The following CACNA1F variants were observed in gnomAD, a reference collection of about 807,000 sequenced individuals.
The protein encoded by CACNA1F is calcium voltage-gated channel subunit alpha1 F, also known as voltage-dependent L-type calcium channel subunit alpha-1F.
Under a neutral mutation model 143.8 loss-of-function variants are expected in CACNA1F, and 59 were observed. The ratio of observed to expected loss-of-function variants is 0.41; its 90% CI spans 0.33 to 0.51. The LOEUF (loss-of-function observed/expected upper bound fraction) is 0.51, where lower values mean the gene tolerates loss of function less well. Among genes scored for constraint, CACNA1F ranks in the 20% least tolerant of loss-of-function variants. The pLI, the probability that CACNA1F is intolerant of heterozygous loss-of-function variation, is 0.22. For synonymous variants in CACNA1F, 643 were observed against 649.1 expected, an observed-to-expected ratio of 0.99 and a Z score of 0.14; for missense variants, 1,411 against 1,647.5, an observed-to-expected ratio of 0.86 and a Z score of 2.48.
chrX:49,224,827 G>A lies in CACNA1F; in HGVS notation c.1811C>T (p.Ala604Val). Residue 604 changes from alanine to valine, a missense_variant, in exon 14 of 48, where the codon GCC becomes GTC. Transcript: ENST00000323022. Reference protein sequence around the residue: ...ILETTLVEVGAMQPLGISVLR... With the variant: ...ILETTLVEVGVMQPLGISVLR... ...CACTGAGATGCCCAAGGGCTGCATG[G>A]CACCCACCTCCACCAAGGTGGTCTC... 8.4e-7 allele frequency: 1 copy of A among 1,196,093 alleles called. No homozygotes were observed. Among genetic ancestry groups the A allele is most frequent in the East Asian group, 3.0e-5 (1 of 33,136 alleles).
chrX:49,214,351 A>G (rs2065689987), intron 29 of CACNA1F, 82 bp from the exon 30 acceptor site: 3 of 607,498 alleles, frequency 4.9e-6, no homozygotes. Flanking sequence ...GCCTGGGCTG[A>G]GACGAGTCTG....
intron 21 of CACNA1F, 67 bp from the exon 22 acceptor site, chrX:49,219,008 A>G (rs2065748167): frequency 6.3e-6 from 6 of 945,583 alleles, no homozygotes; most frequent in Non-Finnish European, 9.1e-6. Flanking sequence ...TGACTTCTCA[A>G]AAGGCTTGGC....
intron 8 of CACNA1F, 94 bp downstream of exon 8, chrX:49,227,942 A>T: frequency 3.4e-6 from 2 of 591,595 alleles, no homozygotes; most frequent in Non-Finnish European, 5.8e-6. Flanking sequence ...GGAGTATTTC[A>T]GATGGGTTTT....
chrX:49,227,873 C>G (rs782062815), intron 8 of CACNA1F, among the ~76,000 whole-genome samples, 163 bp downstream of exon 8: 2 of 112,106 alleles, frequency 1.8e-5, no homozygotes, highest in African/African-American at 6.5e-5. Flanking sequence ...AGATTTTTGT[C>G]TTTTGTTCCA....
chrX:49,227,679 C>T (rs1295329925), intron 8 of CACNA1F, among the ~76,000 whole-genome samples: 2 of 112,350 alleles, frequency 1.8e-5, no homozygotes, highest in African/African-American at 6.5e-5. Context: ...TTCCTGACAT[C>T]CCTATTTATA....
chrX:49,205,389 G>C, intron 47 of CACNA1F, 22 bp from the exon 48 acceptor site: 2 of 1,081,996 alleles, frequency 1.8e-6, no homozygotes, highest in Non-Finnish European at 2.5e-6. Flanking sequence ...GGTGGGATCA[G>C]TGTTGACGGA....
At chrX:49,233,110 G>C (rs1557111657) in intron 1 of CACNA1F, 175 bp downstream of exon 1, 7 of 488,100 alleles carry the variant, frequency 1.4e-5, no homozygotes, top group Non-Finnish European at 2.2e-5. Flanking sequence ...GTCAGGCTGA[G>C]CGTTAGGGCT....
In CACNA1F at chrX:49,219,640, G is replaced by A. The variant is rs1557108379; in HGVS notation, c.2537C>T (p.Thr846Ile). 8.3e-7 allele frequency: 1 copy of A among 1,203,148 alleles called. No individual in the cohort carries two copies. Among genetic ancestry groups the A allele is most frequent in the Non-Finnish European group, 1.1e-6 (1 of 891,200 alleles). The change falls in exon 20 of 48, where the codon ACC (threonine) becomes ATC (isoleucine). Residue 846 changes from threonine (T) to isoleucine (I), a missense_variant. Physicochemically the swap from Thr to Ile is moderately conservative, Grantham distance 89. Transcript: ENST00000323022. The stretch of plus-strand genomic sequence containing the variant: ...TGCCACTTCCGGCACTCACGGGTTG[G>A]TTTGGCTGAGGCAGAAGAAGGCGCT... ...EGSAFFCLSQ[T>I]NPLRKGCHTL...
At chrX:49,214,989 G>T in intron 29 of CACNA1F, 97 bp downstream of exon 29, 1 of 829,048 alleles carries the variant, frequency 1.2e-6, no homozygotes, top group South Asian at 2.1e-5. Flanking sequence ...CAGGGGGTTT[G>T]TTATTTGCAG....
chrX:49,206,903 C>A, intron 44 of CACNA1F, 48 bp from the exon 45 acceptor site: 2 of 1,176,370 alleles, frequency 1.7e-6, no homozygotes, highest in Non-Finnish European at 2.3e-6. Flanking sequence ...GGGCCTGGAC[C>A]TGGGCCTGGG....
At position 49,230,628 on chromosome X, in the gene CACNA1F, G is replaced by A. The variant is rs1557111123; in HGVS notation, c.522-19C>T. Reference sequence around the variant, plus strand: ...GAACAGCCTGATGGGGGAGCACCGGGCAGGGAGGCGGAGGTCAGGCCTTGG... The same window carrying A: ...GAACAGCCTGATGGGGGAGCACCGGACAGGGAGGCGGAGGTCAGGCCTTGG... On this transcript the variant is annotated intron_variant, in intron 4 of 47. Transcript: ENST00000323022. 1.7e-6 allele frequency: 2 copies of A among 1,158,216 alleles called. No individual in the cohort carries two copies. Among genetic ancestry groups the A allele is most frequent in the Non-Finnish European group, 2.3e-6 (2 of 866,724 alleles).
At position 49,209,677 on chromosome X, in the gene CACNA1F, T is replaced by C; in HGVS notation, c.4773A>G (p.Lys1591=). ...GGGCGGCGTCGTTGCCTAGTAGCCCTTTTTCTTTCCTCCGCCGGAATTTGC... is the reference window on the plus strand; with the variant it reads ...GGGCGGCGTCGTTGCCTAGTAGCCCCTTTTCTTTCCTCCGCCGGAATTTGC... ...YFRKFRRRKE[K]GLLGNDAAPS... Residue 1591 remains lysine, a synonymous_variant, in exon 41 of 48, where the codon AAA becomes AAG. Coordinates refer to ENST00000323022, the MANE Select transcript of CACNA1F (RefSeq NM_001256789.3). 8 of 1,210,287 alleles carry C rather than the reference T, an allele frequency of 6.6e-6. No homozygotes were observed. The highest frequency in any genetic ancestry group is 6.7e-6 in the Non-Finnish European group (6 of 894,474).
Position 49,206,559 on chromosome X carries a change from G to C in CACNA1F, c.5424C>G (p.Ile1808Met). The C allele has an allele frequency of 8.3e-7, 1 of 1,210,876 alleles. No homozygotes were observed. Among genetic ancestry groups the C allele is most frequent in the African/African-American group, 1.7e-5 (1 of 57,744 alleles). ...QRQGSCEDLP[I>M]PGTYHRGRNS... The stretch of plus-strand genomic sequence containing the variant: ...TTCGCCCACGATGATAGGTGCCTGG[G>C]ATGGGTAAATCCTCACAACTGCCCT... The change falls in exon 46 of 48, where the codon ATC becomes ATG. Residue 1808 changes from isoleucine (I) to methionine (M), a missense_variant. Physicochemically the swap from Ile to Met is conservative, Grantham distance 10 (BLOSUM62 1). Coordinates refer to ENST00000323022, the MANE Select transcript of CACNA1F (RefSeq NM_001256789.3).
At chrX:49,214,074 G>C (rs1488208803) in intron 30 of CACNA1F, 85 bp downstream of exon 30, 2 of 703,025 alleles carry the variant, frequency 2.8e-6, no homozygotes, top group Non-Finnish European at 4.6e-6. Flanking sequence ...GCTGCTGCCC[G>C]CATCGCCAAC....
intron 17 of CACNA1F, 70 bp downstream of exon 17, chrX:49,222,452 G>A (rs990020355): frequency 4.6e-6 from 4 of 862,589 alleles, no homozygotes; most frequent in Non-Finnish European, 6.8e-6. Flanking sequence ...TCTGGTGGTG[G>A]GGGTGTCTGA....
Position 49,214,288 on chromosome X carries a change from T to TCCATCTCAACC in CACNA1F, c.3598-20_3598-19insGGTTGAGATGG. The TCCATCTCAACC allele has an allele frequency of 1.0e-6, 1 of 983,103 alleles. No homozygotes were observed. The highest frequency in any genetic ancestry group is 1.5e-6 in the Non-Finnish European group (1 of 686,931). 81.0% of individuals were successfully genotyped at this position (983,103 alleles called of 1,213,427 possible). A position where few individuals can be genotyped will look rare whatever the true frequency, so the allele number is the denominator to read the frequency against. ...CATAGTGCTGCAGGAGAAAATCAGG[T>TCCATCTCAACC]TGAGATGGAGCCTGAGGCAGAGATG... On this transcript the variant is annotated intron_variant, in intron 29 of 47. Transcript: ENST00000323022.
intron 19 of CACNA1F, 71 bp downstream of exon 19, chrX:49,220,402 G>A (rs2065763746): frequency 1.3e-6 from 1 of 764,983 alleles, no homozygotes; most frequent in Admixed American, 2.6e-5. Flanking sequence ...GGGTCTCAGG[G>A]GTCAGGAGCT....
chrX:49,229,998 T>C (rs2065861733), intron 6 of CACNA1F, among the ~76,000 whole-genome samples: 1 of 111,409 alleles, frequency 9.0e-6, no homozygotes, highest in African/African-American at 3.3e-5. Context: ...CCTTAGCCTG[T>C]GGGTACAGTC....
At chrX:49,209,594 A>G (rs782145685) in intron 41 of CACNA1F, 35 bp downstream of exon 41, 2 of 1,208,625 alleles carry the variant, frequency 1.7e-6, no homozygotes, top group Non-Finnish European at 2.2e-6. Flanking sequence ...GCACTGCCAC[A>G]CGTGCCCATC....
Sources: allele counts gnomAD v4.1 joint callset (sites outside exome capture counted in the v4.1 genomes callset), GRCh38; gene constraint gnomAD v4.1.1; transcripts MANE v1.5; gene names NCBI Gene and HGNC (gene_info 2026-07-23, HGNC 2026-07-21).